Variants in IQCM observed in about 807,000 individuals in gnomAD.
The protein encoded by IQCM is IQ domain-containing protein M.
In IQCM, 45 loss-of-function variants were observed where a neutral mutation model predicts 57.6. The ratio of observed to expected loss-of-function variants is 0.78; its 90% CI spans 0.62 to 1.00. The LOEUF (loss-of-function observed/expected upper bound fraction) is 1.00. Ranked by LOEUF, IQCM falls within the 50% of genes least tolerant of loss-of-function variation. The probability of loss-of-function intolerance (pLI) is 0.00; values close to 1 mark genes in which losing one functional copy is unlikely to be tolerated. For missense variants in IQCM, 468 were observed against 511.6 expected, an observed-to-expected ratio of 0.91 and a Z score of 0.82; for synonymous variants, 148 against 158.9, an observed-to-expected ratio of 0.93 and a Z score of 0.51.
At chr4:149,759,919 T>C (rs542430233) in intron 2 of IQCM, among the ~76,000 whole-genome samples, 12 of 151,786 alleles carry the variant, frequency 7.9e-5, no homozygotes, top group African/African-American at 2.4e-4. Context: ...AGAAAACAAC[T>C]GCAAAATATG....
chr4:149,489,917 C>T (rs1423540375), intron 12 of IQCM, among the ~76,000 whole-genome samples: 1 of 151,834 alleles, frequency 6.6e-6, no homozygotes, highest in Non-Finnish European at 1.5e-5. Flanking sequence ...ACAAGCTATA[C>T]ATAAAAATGA....
At chr4:149,679,966 C>CA (rs1253815542) in intron 7 of IQCM, among the ~76,000 whole-genome samples, 3 of 151,040 alleles carry the variant, frequency 2.0e-5, no homozygotes, top group Non-Finnish European at 4.4e-5. Flanking sequence ...TAAATTATTC[C>CA]AAAAAAATGA....
At chr4:149,438,673 C>A (rs1735613816) in intron 12 of IQCM, among the ~76,000 whole-genome samples, 1 of 151,968 alleles carries the variant, frequency 6.6e-6, no homozygotes, top group Non-Finnish European at 1.5e-5. Flanking sequence ...TTACGTACTT[C>A]TTGAGCAAGG....
At chr4:149,572,029 T>C (rs1751208552) in intron 9 of IQCM, among the ~76,000 whole-genome samples, 1 of 152,070 alleles carries the variant, frequency 6.6e-6, no homozygotes. Context: ...GCTCCCCTTC[T>C]TTATATAAGT....
In IQCM at chr4:149,352,621, T is replaced by A. The variant is rs563858604; in HGVS notation, c.1391-555A>T. On this transcript the variant is annotated intron_variant, in intron 13 of 13. Transcript: ENST00000636793. ...GGATTCTCATATTCGAGGGAGATTCTGGAACCAATTTCCTACCAGCACTGA... is the reference window on the plus strand; with the variant it reads ...GGATTCTCATATTCGAGGGAGATTCAGGAACCAATTTCCTACCAGCACTGA... 2.3e-4 allele frequency among the ~76,000 whole-genome samples: 35 copies of A among 152,326 alleles called. No homozygotes were observed. The South Asian group carries it at 6.8e-3, about 30-fold the overall frequency.
At chr4:149,625,694 C>T (rs899640894) in intron 7 of IQCM, among the ~76,000 whole-genome samples, 5 of 152,086 alleles carry the variant, frequency 3.3e-5, no homozygotes, top group Non-Finnish European at 5.9e-5. Context: ...GTGAAGTTCC[C>T]GGGTTTTATT....
At chr4:149,732,932 T>TC (rs1766596307) in intron 5 of IQCM, among the ~76,000 whole-genome samples, 1 of 152,216 alleles carries the variant, frequency 6.6e-6, no homozygotes, top group Non-Finnish European at 1.5e-5. Flanking sequence ...AGGGCTATCG[T>TC]CCATGGCTGC....
chr4:149,740,476 C>T (rs890163593), intron 3 of IQCM, among the ~76,000 whole-genome samples: 2 of 152,076 alleles, frequency 1.3e-5, no homozygotes, highest in African/African-American at 2.4e-5. Flanking sequence ...TAGAAGCCAA[C>T]ATAAACCACC....
intron 7 of IQCM, among the ~76,000 whole-genome samples, chr4:149,672,527 A>G (rs10434134): frequency 0.43 from 65,765 of 152,018 alleles, 14,590 homozygotes; most frequent in South Asian, 0.57. Flanking sequence ...AAGGGTATCA[A>G]TGATTGAAGA....
chr4:149,792,088 A>C (rs532244788), intron 2 of IQCM, among the ~76,000 whole-genome samples: 2 of 152,246 alleles, frequency 1.3e-5, no homozygotes, highest in South Asian at 4.1e-4. Flanking sequence ...CCATAAGTCT[A>C]TGGAAATTGC....
intron 12 of IQCM, among the ~76,000 whole-genome samples, chr4:149,484,745 C>G (rs907938465): frequency 6.6e-6 from 1 of 151,966 alleles, no homozygotes; most frequent in Non-Finnish European, 1.5e-5. Flanking sequence ...TTACACACAG[C>G]AGTTGGTGTG....
chr4:149,643,873 TC>T (rs1206186570), intron 7 of IQCM, among the ~76,000 whole-genome samples: 4 of 152,210 alleles, frequency 2.6e-5, no homozygotes, highest in African/African-American at 7.2e-5. Flanking sequence ...GTTTACAGAC[TC>T]CGCCTTCTTA....
At chr4:149,487,383 C>T (rs1216194429) in intron 12 of IQCM, among the ~76,000 whole-genome samples, 7 of 152,192 alleles carry the variant, frequency 4.6e-5, no homozygotes, top group African/African-American at 1.7e-4. Context: ...GCAAACTACA[C>T]TGCCTGGGAT....
At chr4:149,517,839 C>T (rs560006708) in intron 12 of IQCM, among the ~76,000 whole-genome samples, 2 of 152,316 alleles carry the variant, frequency 1.3e-5, no homozygotes, top group African/African-American at 4.8e-5. Flanking sequence ...GAACACCAGA[C>T]TCCAAGTTCT....
chr4:149,710,481 T>G (rs1764477697), intron 5 of IQCM, among the ~76,000 whole-genome samples: 2 of 152,102 alleles, frequency 1.3e-5, no homozygotes, highest in Admixed American at 1.3e-4. Flanking sequence ...TGCCCTCACC[T>G]TCTTTATAGA....
chr4:149,429,646 G>A (rs1734687370), intron 13 of IQCM, among the ~76,000 whole-genome samples: 1 of 151,846 alleles, frequency 6.6e-6, no homozygotes. Context: ...TCAATAAACA[G>A]GAGTACCTAC....
chr4:149,353,415 A>G (rs1728710349), intron 13 of IQCM, among the ~76,000 whole-genome samples: 1 of 152,210 alleles, frequency 6.6e-6, no homozygotes, highest in Admixed American at 6.5e-5. Context: ...CCTAAGATCC[A>G]GCAATCCCTC....
At chr4:149,799,311 C>T (rs1197291432) in intron 2 of IQCM, among the ~76,000 whole-genome samples, 1 of 151,332 alleles carries the variant, frequency 6.6e-6, no homozygotes, top group Non-Finnish European at 1.5e-5. Context: ...AATGGAAACA[C>T]AACATACCAA....
intron 5 of IQCM, among the ~76,000 whole-genome samples, chr4:149,703,869 A>G (rs1174245459): frequency 6.6e-6 from 1 of 151,892 alleles, no homozygotes; most frequent in Non-Finnish European, 1.5e-5. Context: ...GACAGTGAGA[A>G]TTAATAAGGT....
Sources: gnomAD v4.1 joint callset for allele counts (sites outside exome capture counted in the v4.1 genomes callset) on GRCh38, gnomAD v4.1.1 for gene constraint, MANE v1.5 for transcripts, NCBI Gene and HGNC (gene_info 2026-07-23, HGNC 2026-07-21) for gene names.